ABI2: variants seen among roughly 807,000 people sequenced by gnomAD.
The protein encoded by ABI2 is abl interactor 2, also known as abelson interactor 2.
A neutral mutation model predicts 59.2 loss-of-function variants in ABI2; 25 were observed. That is an observed-to-expected ratio of 0.42 (90% CI 0.31 to 0.59). The LOEUF is 0.59. ABI2 is among the 20% of genes least tolerant of loss of function. The pLI is 0.14. For synonymous variants in ABI2, 213 were observed against 235.5 expected (o/e 0.90, Z 0.87); for missense variants, 545 against 681.8 (o/e 0.80, Z 2.23).
intron 1 of ABI2, among the ~76,000 whole-genome samples, chr2:203,345,858 T>G (rs1487917220): frequency 2.0e-5 from 3 of 151,892 alleles, no homozygotes; most frequent in Non-Finnish European, 4.4e-5. Flanking sequence ...ATTTTCTTTT[T>G]TAATCAGATG....
At chr2:203,411,235 A>C in intron 9 of ABI2, 50 bp from the exon 10 acceptor site, 1 of 1,345,014 alleles carries the variant, frequency 7.4e-7, no homozygotes, top group Non-Finnish European at 1.1e-6. Flanking sequence ...TTTCCTTTTA[A>C]TGTAACTCGC....
chr2:203,384,476 T>C (rs1399589919), intron 4 of ABI2, among the ~76,000 whole-genome samples: 1 of 151,936 alleles, frequency 6.6e-6, no homozygotes, highest in African/African-American at 2.4e-5. Context: ...CTGGCTATTT[T>C]TTAACAAATT....
At chr2:203,373,814 A>G (rs563650650) in intron 2 of ABI2, among the ~76,000 whole-genome samples, 2 of 152,306 alleles carry the variant, frequency 1.3e-5, no homozygotes, top group South Asian at 4.1e-4. Context: ...AGAGCTAGGT[A>G]TTGAAAGGCA....
intron 11 of ABI2, among the ~76,000 whole-genome samples, chr2:203,417,285 G>A (rs1051136700): frequency 2.0e-5 from 3 of 152,092 alleles, no homozygotes; most frequent in Non-Finnish European, 2.9e-5. Context: ...AAAACTGATG[G>A]TTATCTATAT....
intron 11 of ABI2, among the ~76,000 whole-genome samples, chr2:203,420,494 C>T (rs1189013568): frequency 2.0e-5 from 3 of 151,774 alleles, no homozygotes; most frequent in African/African-American, 7.3e-5. Flanking sequence ...CCCAGGTTCA[C>T]GCCATTCTCC....
At chr2:203,340,518 C>T (rs1236106358) in intron 1 of ABI2, among the ~76,000 whole-genome samples, 9 of 151,904 alleles carry the variant, frequency 5.9e-5, no homozygotes, top group Admixed American at 5.3e-4. Context: ...ATGTGTGTAC[C>T]ACCACACATG....
Position 203,402,614 on chromosome 2 carries a change from T to G in ABI2, c.1072T>G (p.Ser358Ala). Residue 358 changes from serine to alanine, a missense_variant, in exon 9 of 12, where the codon TCT (serine) becomes GCT (alanine). Ser to Ala is a moderately conservative substitution (Grantham distance 99). Transcript: ENST00000261018. ...VQFYSMNRPA[S>A]RHTPPTIGGS... ...GTTCTACAGCATGAATAGGCCTGCCTCTCGCCATACTCCCCCAACAATAGG... is the reference window on the plus strand; with the variant it reads ...GTTCTACAGCATGAATAGGCCTGCCGCTCGCCATACTCCCCCAACAATAGG... 6.2e-7 allele frequency: 1 copy of G among 1,600,380 alleles called. No homozygotes were observed.
chr2:203,328,895 T>TCGGCCGCCCC (rs1227034864), intron 1 of ABI2: 78 of 286,582 alleles, frequency 2.7e-4, no homozygotes, highest in African/African-American at 1.6e-3. Context: ...GCTCCCGCCC[T>TCGGCCGCCCC]CGGCCGCCCC....
At position 203,395,448 on chromosome 2, in the gene ABI2, T is replaced by TATAC. The variant is rs750379504; in HGVS notation, c.726-207_726-206insTACA. The stretch of plus-strand genomic sequence containing the variant: ...TAATAAGTAAATATATATATATATA[T>TATAC]ACACACACACACACACACACACACA... On this transcript the variant is annotated intron_variant, in intron 6 of 11. Transcript: ENST00000261018. Among the ~76,000 whole-genome samples the TATAC allele has an allele frequency of 1.2e-3, 135 of 115,294 alleles. 1 individual carries two copies. The highest frequency in any genetic ancestry group is 2.7e-3 in the South Asian group (8 of 3,016). The allele number at this position is 115,294 out of a possible 152,430, so 75.6% of individuals were successfully genotyped here.
intron 10 of ABI2, among the ~76,000 whole-genome samples, chr2:203,413,354 C>A (rs1299776291): frequency 6.6e-6 from 1 of 152,162 alleles, no homozygotes; most frequent in African/African-American, 2.4e-5. Flanking sequence ...TTTGTAGAAA[C>A]AGCAAAATGT....
chr2:203,361,979 T>G (rs894768594), intron 1 of ABI2, among the ~76,000 whole-genome samples: 3 of 152,216 alleles, frequency 2.0e-5, no homozygotes, highest in Admixed American at 2.0e-4. Context: ...TAAAAATAAT[T>G]TTTTGTTAGA....
intron 1 of ABI2, among the ~76,000 whole-genome samples, chr2:203,346,049 C>G (rs970796687): frequency 7.9e-5 from 12 of 151,322 alleles, no homozygotes; most frequent in Non-Finnish European, 1.8e-4. Context: ...CACACACAAA[C>G]TGAGGCAGGA....
chr2:203,363,186 G>A (rs1196035942), intron 1 of ABI2, among the ~76,000 whole-genome samples: 3 of 151,930 alleles, frequency 2.0e-5, no homozygotes, highest in African/African-American at 7.3e-5. Flanking sequence ...ATAGGAGTAG[G>A]TGTATATATT....
At chr2:203,328,747 G>A in intron 1 of ABI2, 116 bp downstream of exon 1, 1 of 551,342 alleles carries the variant, frequency 1.8e-6, no homozygotes, top group Non-Finnish European at 3.0e-6. Context: ...CCCCGATGGG[G>A]GTGGGGAGCT....
chr2:203,376,213 G>A (rs2095667531), intron 2 of ABI2: 2 of 1,043,906 alleles, frequency 1.9e-6, no homozygotes, highest in South Asian at 1.6e-5. Flanking sequence ...GGGGACATTT[G>A]GCAATGTTAG....
intron 6 of ABI2, among the ~76,000 whole-genome samples, chr2:203,395,448 T>TATATATAC (rs750379504): frequency 0.031 from 3,612 of 115,260 alleles, 82 homozygotes; most frequent in Non-Finnish European, 0.043. Context: ...TATATATATA[T>TATATATAC]ACACACACAC....
chr2:203,347,731 C>T (rs979730712), intron 1 of ABI2, among the ~76,000 whole-genome samples: 3 of 152,186 alleles, frequency 2.0e-5, no homozygotes, highest in African/African-American at 7.2e-5. Context: ...ACTTATGACA[C>T]TTAGGTTTCT....
intron 1 of ABI2, among the ~76,000 whole-genome samples, chr2:203,354,191 G>A (rs920462085): frequency 2.6e-5 from 4 of 151,986 alleles, no homozygotes; most frequent in Admixed American, 1.3e-4. Flanking sequence ...CTACAGGCAC[G>A]CTTCACCACG....
At chr2:203,422,636 G>A (rs1376076349) in intron 11 of ABI2, among the ~76,000 whole-genome samples, 1 of 152,174 alleles carries the variant, frequency 6.6e-6, no homozygotes, top group Non-Finnish European at 1.5e-5. Flanking sequence ...AATCATCATT[G>A]CCAAACACTA....
Sources: allele counts gnomAD v4.1 joint callset (sites outside exome capture counted in the v4.1 genomes callset), GRCh38; gene constraint gnomAD v4.1.1; transcripts MANE v1.5; gene names NCBI Gene and HGNC (gene_info 2026-07-23, HGNC 2026-07-21).